The following TOGARAM2 variants were observed in gnomAD, a reference collection of about 807,000 sequenced individuals.
TOGARAM2 encodes the protein TOG array regulator of axonemal microtubules protein 2.
Under a neutral mutation model 93.3 loss-of-function variants are expected in TOGARAM2, and 85 were observed. The observed-to-expected ratio is 0.91, with a 90% CI of 0.76 to 1.09. The LOEUF is 1.09. TOGARAM2 is among the 50% of genes least tolerant of loss of function. TOGARAM2 has a pLI of 0.00. For missense variants in TOGARAM2, 1,277 were observed against 1,334.5 expected (o/e 0.96, Z 0.67); for synonymous variants, 593 against 552.8 (o/e 1.07, Z -1.02).
At position 28,997,076 on chromosome 2, in the gene TOGARAM2, C is replaced by T. The variant is rs115924074; in HGVS notation, c.29-1067C>T. 4.5e-3 allele frequency among the ~76,000 whole-genome samples: 688 copies of T among 152,224 alleles called. 7 individuals carry two copies. The highest frequency in any genetic ancestry group is 0.016 in the African/African-American group (650 of 41,518). ...TTGGATATTCATCCAGCAGTGACCT[C>T]AAAAGCACAGGCAACAAAAGCAAAA... On this transcript the variant is annotated intron_variant, in intron 2 of 19. Coordinates refer to ENST00000379558, the MANE Select transcript of TOGARAM2 (RefSeq NM_199280.4).
intron 1 of TOGARAM2, among the ~76,000 whole-genome samples, chr2:28,983,198 A>ATATTTTT (rs1196223294): frequency 1.8e-5 from 1 of 56,622 alleles, no homozygotes; most frequent in African/African-American, 8.3e-5. Flanking sequence ...ATATATATAT[A>ATATTTTT]TTTTTTTTTT....
At chr2:28,988,305 C>G (rs1270501498) in intron 1 of TOGARAM2, among the ~76,000 whole-genome samples, 1 of 152,184 alleles carries the variant, frequency 6.6e-6, no homozygotes, top group African/African-American at 2.4e-5. Context: ...CTTCACACTC[C>G]TGAGTCCAGC....
intron 19 of TOGARAM2, chr2:29,047,892 G>C (rs1368399793): frequency 6.6e-6 from 1 of 152,028 alleles, no homozygotes; most frequent in African/African-American, 2.4e-5. Flanking sequence ...GCTCTGTTGG[G>C]GGGCAGGTAG....
intron 2 of TOGARAM2, among the ~76,000 whole-genome samples, chr2:28,996,552 T>A (rs990900014): frequency 1.3e-5 from 2 of 152,108 alleles, no homozygotes; most frequent in Non-Finnish European, 2.9e-5. Context: ...CTGGGAGTGG[T>A]GGCTCACATC....
At position 29,014,574 on chromosome 2, in the gene TOGARAM2, C is replaced by T. The variant is rs896273688; in HGVS notation, c.1044+13C>T. On this transcript the variant is annotated intron_variant, in intron 8 of 19. Transcript: ENST00000379558. ...GATCGGCACCAAGGTACCTGGGGAG[C>T]GGGAGGAGGAGGAAGTGGGGCTGGA... is the stretch of plus-strand genomic sequence containing the variant. The T allele has an allele frequency of 5.1e-6, 8 of 1,559,636 alleles. No individual in the cohort carries two copies. Among genetic ancestry groups the T allele is most frequent in the Non-Finnish European group, 6.1e-6 (7 of 1,151,182 alleles).
In TOGARAM2 at chr2:29,035,609, G is replaced by A; in HGVS notation, c.2371G>A (p.Glu791Lys). 1 of 1,575,294 alleles carries A rather than the reference G, an allele frequency of 6.3e-7. No individual in the cohort carries two copies. The highest frequency in any genetic ancestry group is 2.3e-5 in the East Asian group (1 of 43,990). The change falls in exon 17 of 20, where the codon GAG becomes AAG. Residue 791 changes from glutamate to lysine, a missense_variant. Glu to Lys is a moderately conservative substitution (Grantham distance 56). Transcript: ENST00000379558. ...SRMEGVGQLLELCKAKTELVT... is the reference protein window; with the variant it reads ...SRMEGVGQLLKLCKAKTELVT... ...GATGGAAGGCGTGGGGCAGCTCCTG[G>A]AGCTCTGCAAGGCCAAGACGGAGCT...
Position 29,023,122 on chromosome 2 carries a change from C to G in TOGARAM2, c.1548C>G (p.Arg516=). ...MKEKGLVSIQ[R]LAACHSEVLT... Reference sequence around the variant, plus strand: ...AGAAGGGTCTGGTGAGCATCCAGCGCTTGGCAGCCTGTCACTCAGAGGTCC... The same window carrying G: ...AGAAGGGTCTGGTGAGCATCCAGCGGTTGGCAGCCTGTCACTCAGAGGTCC... Residue 516 remains arginine (R), a synonymous_variant, in exon 12 of 20, where the codon CGC becomes CGG. Transcript: ENST00000379558. The G allele has an allele frequency of 6.2e-7, 1 of 1,601,876 alleles. No individual in the cohort carries two copies. Among genetic ancestry groups the G allele is most frequent in the East Asian group, 2.3e-5 (1 of 44,418 alleles).
intron 6 of TOGARAM2, among the ~76,000 whole-genome samples, chr2:29,004,628 G>A (rs1673514990): frequency 1.4e-5 from 1 of 70,790 alleles, no homozygotes; most frequent in South Asian, 4.2e-4. Flanking sequence ...CTGCAGGTAT[G>A]TGTGAGTGTA....
intron 1 of TOGARAM2, among the ~76,000 whole-genome samples, chr2:28,993,294 GGGCTT>G (rs1223856691): frequency 4.6e-5 from 7 of 152,182 alleles, no homozygotes; most frequent in Non-Finnish European, 8.8e-5. Context: ...GGAACAGGTG[GGGCTT>G]GCAACTCTCA....
At chr2:28,991,977 G>A (rs992052609) in intron 1 of TOGARAM2, among the ~76,000 whole-genome samples, 3 of 152,160 alleles carry the variant, frequency 2.0e-5, no homozygotes, top group Non-Finnish European at 2.9e-5. Flanking sequence ...AGGAAGTGAG[G>A]ACAAGATCCT....
At chr2:29,000,235 G>T (rs1270424774) in intron 4 of TOGARAM2, among the ~76,000 whole-genome samples, 1 of 152,122 alleles carries the variant, frequency 6.6e-6, no homozygotes, top group Admixed American at 6.5e-5. Context: ...CAGCTAGGAG[G>T]CTCTCAAGAA....
At chr2:28,982,390 T>C (rs1475463045) in intron 1 of TOGARAM2, among the ~76,000 whole-genome samples, 1 of 152,148 alleles carries the variant, frequency 6.6e-6, no homozygotes, top group Non-Finnish European at 1.5e-5. Flanking sequence ...TGTCGGAGCA[T>C]CACTGAGGCA....
intron 18 of TOGARAM2, among the ~76,000 whole-genome samples, chr2:29,043,769 G>A (rs1251633666): frequency 6.6e-6 from 1 of 152,342 alleles, no homozygotes; most frequent in East Asian, 1.9e-4. Context: ...TGATGATGGT[G>A]TGTATTTCTC....
At chr2:29,045,849 T>C (rs1371226089) in intron 19 of TOGARAM2, 3 of 258,972 alleles carry the variant, frequency 1.2e-5, no homozygotes, top group Non-Finnish European at 2.3e-5. Flanking sequence ...CCAAACATTT[T>C]AGATAAGGGA....
rs752812817 is a variant in TOGARAM2 at position 29,026,939 on chromosome 2, G to C, written c.1940G>C (p.Gly647Ala). Residue 647 changes from glycine (G) to alanine (A), a missense_variant, in exon 14 of 20, where the codon GGC (glycine) becomes GCC (alanine). Physicochemically the swap from Gly to Ala is moderately conservative, Grantham distance 60 (BLOSUM62 0). Transcript: ENST00000379558. ...EQIGAEKLLS[G>A]TRDSTDMLVH... ...ATCGGCGCTGAGAAGCTTCTCTCGG[G>C]CACCAGAGACAGCACAGACATGTTG... 1.3e-6 allele frequency: 2 copies of C among 1,576,846 alleles called. No homozygotes were observed. The highest frequency in any genetic ancestry group is 8.6e-7 in the Non-Finnish European group (1 of 1,161,144).
intron 12 of TOGARAM2, 40 bp downstream of exon 12, chr2:29,023,231 C>A: frequency 6.7e-7 from 1 of 1,503,026 alleles, no homozygotes; most frequent in Non-Finnish European, 9.1e-7. Flanking sequence ...TTTGGCCCCA[C>A]TGCAGCTGCT....
At chr2:28,965,315 C>T (rs997654921) in intron 1 of TOGARAM2, among the ~76,000 whole-genome samples, 1 of 152,012 alleles carries the variant, frequency 6.6e-6, no homozygotes, top group Non-Finnish European at 1.5e-5. Flanking sequence ...CTTTTCTATT[C>T]GTCTCATCTG....
chr2:29,018,673 A>G (rs966488558), intron 10 of TOGARAM2: 2 of 152,158 alleles, frequency 1.3e-5, no homozygotes, highest in Non-Finnish European at 2.9e-5. Context: ...TCCTCTTTCT[A>G]TCCTTTCAAT....
intron 6 of TOGARAM2, among the ~76,000 whole-genome samples, chr2:29,004,530 C>T (rs761878711): frequency 1.3e-5 from 2 of 152,214 alleles, no homozygotes; most frequent in African/African-American, 2.4e-5. Flanking sequence ...GCAACATCCC[C>T]GTGGTCAGTC....
Sources: allele counts gnomAD v4.1 joint callset (sites outside exome capture counted in the v4.1 genomes callset), GRCh38; gene constraint gnomAD v4.1.1; transcripts MANE v1.5; gene names NCBI Gene and HGNC (gene_info 2026-07-23, HGNC 2026-07-21).